ROBO2: variants seen among roughly 807,000 people sequenced by gnomAD.
ROBO2 encodes roundabout guidance receptor 2, also known as roundabout homolog 2.
A neutral mutation model predicts 160.8 loss-of-function variants in ROBO2; 53 were observed. The ratio of observed to expected loss-of-function variants is 0.33; its 90% CI spans 0.26 to 0.41. The LOEUF (loss-of-function observed/expected upper bound fraction) is 0.41. Ranked by LOEUF, ROBO2 falls within the 10% of genes least tolerant of loss-of-function variation. The pLI, the probability that ROBO2 is intolerant of heterozygous loss-of-function variation, is 1.00. For synonymous variants in ROBO2, 664 were observed against 611.7 expected, an observed-to-expected ratio of 1.09 and a Z score of -1.26; for missense variants, 1,577 against 1,722.4, an observed-to-expected ratio of 0.92 and a Z score of 1.49.
At chr3:76,599,945 C>T (rs1165496246) in intron 2 of ROBO2, among the ~76,000 whole-genome samples, 1 of 151,990 alleles carries the variant, frequency 6.6e-6, no homozygotes, top group Non-Finnish European at 1.5e-5. Flanking sequence ...AAATATTAGA[C>T]CTTTGTCATG....
intron 2 of ROBO2, among the ~76,000 whole-genome samples, chr3:76,215,607 AG>A (rs1246703596): frequency 9.8e-5 from 15 of 152,306 alleles, no homozygotes; most frequent in Admixed American, 9.2e-4. Flanking sequence ...AGAAGTTTAG[AG>A]AAAAAAGATT....
intron 2 of ROBO2, among the ~76,000 whole-genome samples, chr3:75,951,978 A>C (rs1387148599): frequency 1.3e-5 from 2 of 152,006 alleles, no homozygotes; most frequent in African/African-American, 2.4e-5. Flanking sequence ...GCTGAAGTGC[A>C]AGATATATGG....
At chr3:77,530,115 A>C (rs1439952764) in intron 6 of ROBO2, among the ~76,000 whole-genome samples, 2 of 151,970 alleles carry the variant, frequency 1.3e-5, no homozygotes, top group Admixed American at 6.6e-5. Context: ...TGCAGCTCTT[A>C]GCAATAGCAT....
intron 1 of ROBO2, among the ~76,000 whole-genome samples, chr3:75,924,986 C>T (rs1207609999): frequency 5.3e-5 from 8 of 151,856 alleles, no homozygotes; most frequent in Non-Finnish European, 1.2e-4. Flanking sequence ...CCGCGCCGGC[C>T]GGGAATTTAT....
intron 2 of ROBO2, among the ~76,000 whole-genome samples, chr3:77,198,357 G>C (rs2082499753): frequency 6.6e-6 from 1 of 152,088 alleles, no homozygotes; most frequent in African/African-American, 2.4e-5. Context: ...AAAGACCTAG[G>C]GGAAGGAAAT....
intron 2 of ROBO2, among the ~76,000 whole-genome samples, chr3:76,262,997 A>G (rs1706861483): frequency 6.6e-6 from 1 of 152,144 alleles, no homozygotes; most frequent in African/African-American, 2.4e-5. Context: ...CACACAAGCT[A>G]TCTCTGCTTG....
intron 2 of ROBO2, among the ~76,000 whole-genome samples, chr3:76,012,687 T>C (rs1440785463): frequency 1.3e-5 from 2 of 152,120 alleles, no homozygotes; most frequent in African/African-American, 2.4e-5. Context: ...TTTTTAAAAA[T>C]CCGTGTGGTG....
rs188939924 is a variant in ROBO2 at position 77,526,503 on chromosome 3, T to C, written c.934+3601T>C. Among the ~76,000 whole-genome samples, 4 of 151,670 alleles carry C rather than the reference T, an allele frequency of 2.6e-5. No individual in the cohort carries two copies. In the East Asian group the frequency reaches 7.8e-4, roughly 30 times the overall value. On this transcript the variant is annotated intron_variant, in intron 6 of 25. Coordinates refer to ENST00000461745, the Ensembl canonical transcript of ROBO2. ...TAAGCATATTGTTTCTTCATTTGGA[T>C]AATGGGATCACATGTTTCACAATAT...
chr3:76,569,982 A>C (rs2108589452), intron 2 of ROBO2, among the ~76,000 whole-genome samples: 1 of 152,218 alleles, frequency 6.6e-6, no homozygotes, highest in Middle Eastern at 3.4e-3. Context: ...AATAATGATA[A>C]TAATTAGCTG....
chr3:77,548,588 C>T (rs140659382), intron 7 of ROBO2, among the ~76,000 whole-genome samples: 253 of 152,060 alleles, frequency 1.7e-3, no homozygotes, highest in Admixed American at 3.7e-3. Flanking sequence ...TTTAAATATG[C>T]TACATCTTTG....
chr3:76,197,468 C>G (rs975093051), intron 2 of ROBO2, among the ~76,000 whole-genome samples: 2 of 151,938 alleles, frequency 1.3e-5, no homozygotes, highest in Non-Finnish European at 2.9e-5. Flanking sequence ...CTGAGTTAAC[C>G]AATCTCTCTA....
intron 2 of ROBO2, among the ~76,000 whole-genome samples, chr3:77,437,565 A>G: frequency 1.3e-5 from 2 of 152,044 alleles, no homozygotes; most frequent in Middle Eastern, 3.4e-3. Context: ...TATTTTTCTT[A>G]TAGTTATATT....
intron 13 of ROBO2, among the ~76,000 whole-genome samples, chr3:77,573,375 T>C (rs2093684044): frequency 6.6e-6 from 1 of 151,970 alleles, no homozygotes; most frequent in African/African-American, 2.4e-5. Context: ...TATATTTCAT[T>C]TTTAGGTGAT....
chr3:76,330,186 A>G (rs924603971), intron 2 of ROBO2, among the ~76,000 whole-genome samples: 2 of 152,222 alleles, frequency 1.3e-5, no homozygotes, highest in African/African-American at 2.4e-5. Flanking sequence ...AAAAAGGAAC[A>G]TAAAGTAAAA....
chr3:76,111,616 A>G (rs1484990862), intron 2 of ROBO2, among the ~76,000 whole-genome samples: 2 of 152,020 alleles, frequency 1.3e-5, no homozygotes, highest in Admixed American at 1.3e-4. Context: ...GAAACTGTAT[A>G]GTAGTTTTCA....
intron 2 of ROBO2, among the ~76,000 whole-genome samples, chr3:76,752,037 C>T (rs2060687617): frequency 6.6e-6 from 1 of 152,068 alleles, no homozygotes. Flanking sequence ...GACTTGGAAC[C>T]AACCCAAATG....
intron 1 of ROBO2, among the ~76,000 whole-genome samples, chr3:77,054,611 A>C (rs904388199): frequency 2.6e-5 from 4 of 152,104 alleles, no homozygotes; most frequent in African/African-American, 9.7e-5. Flanking sequence ...CTTGCTGCAC[A>C]ATTATATGTT....
chr3:75,945,209 C>T (rs1948232244), intron 2 of ROBO2, among the ~76,000 whole-genome samples: 1 of 152,078 alleles, frequency 6.6e-6, no homozygotes, highest in Non-Finnish European at 1.5e-5. Flanking sequence ...CAATGAGCCA[C>T]ATAAATATGC....
Position 75,970,682 on chromosome 3 carries a change from A to G in ROBO2, c.109+33080A>G, listed in dbSNP as rs181400232. Among the ~76,000 whole-genome samples, 19 of 151,674 alleles carry G rather than the reference A, an allele frequency of 1.3e-4. No individual in the cohort carries two copies. The East Asian group carries it at 3.7e-3, about 30-fold the overall frequency. ...TCACTGTGCAATCTTTAATCAAATA[A>G]GTAAACGCATTATTTGTTTCCAAGT... On this transcript the variant is annotated intron_variant, in intron 2 of 26. Transcript: ENST00000487694.
Sources: allele counts gnomAD v4.1 joint callset (sites outside exome capture counted in the v4.1 genomes callset), GRCh38; gene constraint gnomAD v4.1.1; transcripts MANE v1.5; gene names NCBI Gene and HGNC (gene_info 2026-07-23, HGNC 2026-07-21).